DNAJC16: variants seen among roughly 807,000 people sequenced by gnomAD.
DNAJC16 encodes the protein dnaJ homolog subfamily C member 16.
In DNAJC16, 76 loss-of-function variants were observed where a neutral mutation model predicts 92.7. That is an observed-to-expected ratio of 0.82 (90% confidence interval 0.68 to 0.99). The LOEUF (loss-of-function observed/expected upper bound fraction) is 0.99, where lower values mean the gene tolerates loss of function less well. Among genes scored for constraint, DNAJC16 ranks in the 50% least tolerant of loss-of-function variants. The pLI, the probability that DNAJC16 is intolerant of heterozygous loss-of-function variation, is 0.00. For missense variants in DNAJC16, 869 were observed against 942.4 expected (o/e 0.92, Z 1.02); for synonymous variants, 328 against 358.7 (o/e 0.91, Z 0.97).
chr1:15,562,323 G>C lies in DNAJC16; in HGVS notation c.1336G>C (p.Ala446Pro). Reference protein sequence around the residue: ...PDSEAFQGKSAVSILERRNTA... With the variant: ...PDSEAFQGKSPVSILERRNTA... ...CAGTGAGGCGTTTCAAGGGAAATCA[G>C]CGGTAAGCCACAGAGTCTCTCCTCA... The change falls in exon 9 of 15, where the codon GCG (alanine) becomes CCG (proline). Residue 446 changes from alanine (A) to proline (P), a missense_variant and splice_region_variant. Coordinates refer to ENST00000375847, the MANE Select transcript of DNAJC16 (RefSeq NM_015291.4). The C allele has an allele frequency of 6.2e-7, 1 of 1,612,372 alleles. No individual in the cohort carries two copies. Among genetic ancestry groups the C allele is most frequent in the East Asian group, 2.2e-5 (1 of 44,836 alleles).
rs371423001 is a variant in DNAJC16 at position 15,536,745 on chromosome 1, G to T, written c.505G>T (p.Asp169Tyr). 1 of 1,613,992 alleles carries T rather than the reference G, an allele frequency of 6.2e-7. No homozygotes were observed. The highest frequency in any genetic ancestry group is 1.3e-5 in the African/African-American group (1 of 74,908). Residue 169 changes from aspartate to tyrosine, a missense_variant, in exon 4 of 15, where the codon GAT becomes TAT. By Grantham distance (160) the Asp-to-Tyr change is radical. Coordinates refer to ENST00000375847, the MANE Select transcript of DNAJC16 (RefSeq NM_015291.4). ...KKPYLIKITS[D>Y]WCFSCIHIEP... ...ACCCTACCTCATCAAGATCACCTCC[G>T]ATTGGTGCTTTAGCTGCATTCATAT... is the stretch of plus-strand genomic sequence containing the variant.
chr1:15,540,340 A>G (rs953950119), intron 4 of DNAJC16, among the ~76,000 whole-genome samples: 6 of 152,212 alleles, frequency 3.9e-5, no homozygotes, highest in African/African-American at 1.4e-4. Context: ...AAAAAAGAAA[A>G]GAAAAAAACC....
intron 4 of DNAJC16, among the ~76,000 whole-genome samples, chr1:15,543,215 C>T (rs906145417): frequency 1.3e-5 from 2 of 152,138 alleles, no homozygotes; most frequent in Admixed American, 6.5e-5. Flanking sequence ...AGATGGTAAA[C>T]GCTGTGGAAA....
chr1:15,551,605 T>G (rs1265169728), intron 7 of DNAJC16, among the ~76,000 whole-genome samples: 1 of 151,822 alleles, frequency 6.6e-6, no homozygotes, highest in Non-Finnish European at 1.5e-5. Flanking sequence ...GATGTGGTTT[T>G]TTTTTTTTTT....
rs906797770 is a variant in DNAJC16 at position 15,552,990 on chromosome 1, G to A, written c.1023+4562G>A. Among the ~76,000 whole-genome samples, 13 of 151,676 alleles carry A rather than the reference G, an allele frequency of 8.6e-5. No individual in the cohort carries two copies. The South Asian group carries it at 2.1e-3, about 24-fold the overall frequency. On this transcript the variant is annotated intron_variant, in intron 7 of 14. Transcript: ENST00000375847. ...TCACCATGTTGGCCAGGCTGGTCTC[G>A]AGCGCCTGACCTCAGATGATCCGCC...
intron 14 of DNAJC16, 44 bp downstream of exon 14, chr1:15,567,313 A>G (rs369841022): frequency 2.6e-5 from 41 of 1,572,240 alleles, no homozygotes; most frequent in Non-Finnish European, 3.5e-5. Flanking sequence ...TGTGAGAGAG[A>G]GAGAGGCAGG....
Position 15,536,581 on chromosome 1 carries a change from A to C in DNAJC16, c.341A>C (p.His114Pro). ...QQQQREYRFRHFHENFYFDES... is the reference protein window; with the variant it reads ...QQQQREYRFRPFHENFYFDES... ...CAGCAGCGAGAGTATCGCTTCCGCC[A>C]TTTCCATGAAAATTTTTATTTTGAT... is the stretch of plus-strand genomic sequence containing the variant. Residue 114 changes from histidine (H) to proline (P), a missense_variant, in exon 4 of 15, where the codon CAT becomes CCT. By Grantham distance (77) the His-to-Pro change is moderately conservative. Coordinates refer to ENST00000375847, the MANE Select transcript of DNAJC16 (RefSeq NM_015291.4). 1 of 1,614,212 alleles carries C rather than the reference A, an allele frequency of 6.2e-7. No homozygotes were observed.
At chr1:15,552,408 G>A (rs1460927073) in intron 7 of DNAJC16, among the ~76,000 whole-genome samples, 7 of 151,828 alleles carry the variant, frequency 4.6e-5, no homozygotes, top group African/African-American at 1.5e-4. Context: ...AGAATCACTT[G>A]AACCTGGGAG....
chr1:15,550,718 A>G (rs1025070804), intron 7 of DNAJC16, among the ~76,000 whole-genome samples: 7 of 152,216 alleles, frequency 4.6e-5, no homozygotes, highest in African/African-American at 1.7e-4. Flanking sequence ...CTGTGTTGAC[A>G]TTTACACTGA....
intron 7 of DNAJC16, among the ~76,000 whole-genome samples, chr1:15,556,771 C>G (rs1638581321): frequency 6.6e-6 from 1 of 152,080 alleles, no homozygotes; most frequent in African/African-American, 2.4e-5. Context: ...TTCTTGATTT[C>G]AAAGAGAGGG....
In DNAJC16 at chr1:15,536,991, C is replaced by T. The variant is rs560017103; in HGVS notation, c.574+177C>T. Among the ~76,000 whole-genome samples, 50 of 152,144 alleles carry T rather than the reference C, an allele frequency of 3.3e-4. 1 individual carries two copies. Among genetic ancestry groups the T allele is most frequent in the African/African-American group, 1.2e-3 (50 of 41,488 alleles). The stretch of plus-strand genomic sequence containing the variant: ...TCAACCTCCCGAGTAGTTGGGATTA[C>T]AGGCACCCACCATCACGCCCAGCTA... On this transcript the variant is annotated intron_variant, in intron 4 of 14. Coordinates refer to ENST00000375847, the MANE Select transcript of DNAJC16 (RefSeq NM_015291.4).
chr1:15,551,062 G>T (rs1283397666), intron 7 of DNAJC16, among the ~76,000 whole-genome samples: 3 of 152,138 alleles, frequency 2.0e-5, no homozygotes, highest in Admixed American at 1.3e-4. Context: ...TAGAGATGGG[G>T]TTTCACCATG....
intron 7 of DNAJC16, among the ~76,000 whole-genome samples, chr1:15,554,524 C>A (rs1352084273): frequency 6.6e-6 from 1 of 152,092 alleles, no homozygotes; most frequent in Admixed American, 6.6e-5. Flanking sequence ...TATTTAAAAT[C>A]ATTTGGAATA....
chr1:15,562,187 A>G lies in DNAJC16; in HGVS notation c.1200A>G (p.Lys400=). 6.2e-7 allele frequency: 1 copy of G among 1,613,922 alleles called. No homozygotes were observed. Among genetic ancestry groups the G allele is most frequent in the Non-Finnish European group, 8.5e-7 (1 of 1,179,896 alleles). ...CTGCTGAGACTACCAAGTTGAGCAA[A>G]CCCTTTGAGGCTTTCCTGTCCTTTG... is the stretch of plus-strand genomic sequence containing the variant. ...LLTAETTKLS[K]PFEAFLSFAL... The change falls in exon 9 of 15, where the codon AAA becomes AAG. Residue 400 remains lysine (K), a synonymous_variant. Transcript: ENST00000375847.
At chr1:15,544,210 C>T (rs1184724558) in intron 4 of DNAJC16, among the ~76,000 whole-genome samples, 189 bp from the exon 5 acceptor site, 1 of 119,278 alleles carries the variant, frequency 8.4e-6, no homozygotes, top group Non-Finnish European at 1.9e-5. Flanking sequence ...TTACATATTG[C>T]CAGATTGCTC....
intron 7 of DNAJC16, 28 bp from the exon 8 acceptor site, chr1:15,559,498 A>G: frequency 6.2e-7 from 1 of 1,613,532 alleles, no homozygotes. Flanking sequence ...ACTGCATAAA[A>G]TCTAGCTGAT....
At chr1:15,565,777 G>T (rs999157914) in intron 11 of DNAJC16, 142 bp from the exon 12 acceptor site, 45 of 778,118 alleles carry the variant, frequency 5.8e-5, no homozygotes, top group Non-Finnish European at 9.4e-5. Flanking sequence ...ACCTCCACCC[G>T]CCAAGAAAAG....
intron 4 of DNAJC16, among the ~76,000 whole-genome samples, chr1:15,540,331 AAAAAG>A (rs1710904008): frequency 2.0e-5 from 3 of 152,238 alleles, no homozygotes; most frequent in Admixed American, 2.0e-4. Flanking sequence ...GTCTCAAAAA[AAAAAG>A]AAAAGAAAAA....
Position 15,544,446 on chromosome 1 carries a change from C to T in DNAJC16, c.622C>T (p.His208Tyr), listed in dbSNP as rs370283901. ...TGCTGGGTATGAGAGACGCCTGGCC[C>T]ATCACCTAGGGGCACACAGCACGCC... is the stretch of plus-strand genomic sequence containing the variant. Reference protein sequence around the residue: ...VHAGYERRLAHHLGAHSTPSI... With the variant: ...VHAGYERRLAYHLGAHSTPSI... Residue 208 changes from histidine to tyrosine, a missense_variant, in exon 5 of 15, where the codon CAT becomes TAT. Coordinates refer to ENST00000375847, the MANE Select transcript of DNAJC16 (RefSeq NM_015291.4). The T allele has an allele frequency of 4.3e-6, 7 of 1,613,912 alleles. No homozygotes were observed. The African/African-American group carries it at 5.3e-5, about 12-fold the overall frequency.
Sources: gnomAD v4.1 joint callset for allele counts (sites outside exome capture counted in the v4.1 genomes callset) on GRCh38, gnomAD v4.1.1 for gene constraint, MANE v1.5 for transcripts, NCBI Gene and HGNC (gene_info 2026-07-23, HGNC 2026-07-21) for gene names.